The following SLIT1 variants were observed in gnomAD, a reference collection of about 807,000 sequenced individuals.
SLIT1 encodes the protein slit guidance ligand 1.
In SLIT1, 66 loss-of-function variants were observed where a neutral mutation model predicts 186.1. The ratio of observed to expected loss-of-function variants is 0.35; its 90% confidence interval spans 0.29 to 0.44. SLIT1 has a LOEUF of 0.44. Among genes scored for constraint, SLIT1 ranks in the 20% least tolerant of loss-of-function variants. SLIT1 has a pLI of 1.00. For synonymous variants in SLIT1, 761 were observed against 833.8 expected, an observed-to-expected ratio of 0.91 and a Z score of 1.50; for missense variants, 1,638 against 2,037.4, an observed-to-expected ratio of 0.80 and a Z score of 3.77.
intron 4 of SLIT1, among the ~76,000 whole-genome samples, chr10:97,115,968 G>A (rs567053571): frequency 1.3e-4 from 20 of 152,176 alleles, no homozygotes; most frequent in South Asian, 4.1e-4. Context: ...GAGAAGCAGG[G>A]GGCCGAGTTG....
chr10:97,023,457 C>T (rs761783051), intron 25 of SLIT1, among the ~76,000 whole-genome samples: 5 of 151,938 alleles, frequency 3.3e-5, no homozygotes, highest in African/African-American at 4.8e-5. Flanking sequence ...GCTAATAGCC[C>T]GCCCCCAACT....
chr10:97,119,621 G>A (rs970255158), intron 4 of SLIT1, among the ~76,000 whole-genome samples: 4 of 151,796 alleles, frequency 2.6e-5, no homozygotes, highest in East Asian at 1.9e-4. Context: ...AGGAGACGGC[G>A]CCTTGGGTTC....
chr10:97,051,811 CA>C (rs201020231), intron 13 of SLIT1, among the ~76,000 whole-genome samples: 23,731 of 124,032 alleles, frequency 0.19, 2,173 homozygotes, highest in African/African-American at 0.33. Flanking sequence ...AACTCCATCT[CA>C]AAAAAAAAAA....
At chr10:97,076,158 C>A (rs2134649883) in intron 4 of SLIT1, among the ~76,000 whole-genome samples, 1 of 152,322 alleles carries the variant, frequency 6.6e-6, no homozygotes, top group Middle Eastern at 3.4e-3. Flanking sequence ...TGCCTGAGGG[C>A]ACGGGTGAGG....
chr10:97,104,424 T>C (rs1849392087), intron 4 of SLIT1, among the ~76,000 whole-genome samples: 1 of 151,950 alleles, frequency 6.6e-6, no homozygotes, highest in Non-Finnish European at 1.5e-5. Context: ...ATTTAGAAAA[T>C]GATGCACGTA....
intron 22 of SLIT1, among the ~76,000 whole-genome samples, chr10:97,036,513 G>A (rs1228749511): frequency 6.6e-6 from 1 of 152,166 alleles, no homozygotes; most frequent in Non-Finnish European, 1.5e-5. Flanking sequence ...AAGAAACTTG[G>A]GCCAAGATCC....
intron 21 of SLIT1, among the ~76,000 whole-genome samples, chr10:97,039,077 G>A (rs1172143987): frequency 2.0e-5 from 3 of 152,170 alleles, no homozygotes; most frequent in South Asian, 2.1e-4. Context: ...GAAAAGGCCC[G>A]CAGTGGTTGA....
At chr10:97,151,341 T>G (rs1849876295) in intron 4 of SLIT1, among the ~76,000 whole-genome samples, 2 of 131,898 alleles carry the variant, frequency 1.5e-5, no homozygotes, top group South Asian at 4.7e-4. Context: ...GGTAGGTTGG[T>G]AGATGCGTAC....
intron 4 of SLIT1, among the ~76,000 whole-genome samples, chr10:97,111,720 G>A (rs193113933): frequency 7.9e-5 from 12 of 152,178 alleles, no homozygotes; most frequent in African/African-American, 2.9e-4. Context: ...GGCTTTTGCT[G>A]CTGGAGCCTG....
rs1053082129 is a variant in SLIT1, at chr10:97,185,268, C to A, written c.197+210G>T. Among the ~76,000 whole-genome samples, 4 of 152,250 alleles carry A rather than the reference C, an allele frequency of 2.6e-5. No homozygotes were observed. In the South Asian group the frequency reaches 6.2e-4, roughly 24 times the overall value. ...GTGTGAGGACGGAAGCTGACAACCC[C>A]GCCGAGGGCCCTTTGAATCCCAGGG... On this transcript the variant is annotated intron_variant, in intron 1 of 36. Transcript: ENST00000266058.
At chr10:97,054,596 A>G (rs1452125392) in intron 13 of SLIT1, among the ~76,000 whole-genome samples, 1 of 152,196 alleles carries the variant, frequency 6.6e-6, no homozygotes, top group African/African-American at 2.4e-5. Flanking sequence ...TTCTGACGGG[A>G]AGTCCACAAT....
At chr10:97,030,890 G>A (rs1848584640) in intron 24 of SLIT1, 62 bp from the exon 25 acceptor site, 1 of 1,415,400 alleles carries the variant, frequency 7.1e-7, no homozygotes, top group African/African-American at 1.4e-5. Flanking sequence ...CCTGCTGGAG[G>A]GAGAGGCCCA....
chr10:97,082,583 C>CGCCA (rs1229054605), intron 4 of SLIT1, among the ~76,000 whole-genome samples: 3 of 151,954 alleles, frequency 2.0e-5, no homozygotes, highest in African/African-American at 7.3e-5. Flanking sequence ...TACAGGCGCC[C>CGCCA]GCCACCATGC....
At chr10:97,146,434 T>C (rs1437947685) in intron 4 of SLIT1, among the ~76,000 whole-genome samples, 2 of 152,162 alleles carry the variant, frequency 1.3e-5, no homozygotes, top group Non-Finnish European at 2.9e-5. Flanking sequence ...CTCTACCCAC[T>C]GAAAGGACCA....
At chr10:97,077,605 C>T (rs1438203994) in intron 4 of SLIT1, among the ~76,000 whole-genome samples, 1 of 152,190 alleles carries the variant, frequency 6.6e-6, no homozygotes, top group East Asian at 1.9e-4. Flanking sequence ...TAAGAGGAGA[C>T]TGGCACACGG....
Position 97,031,635 on chromosome 10 carries a change from G to T in SLIT1, c.2481C>A (p.Ala827=). The change falls in exon 24 of 37, where the codon GCC becomes GCA. Residue 827 remains alanine (A), a synonymous_variant. Coordinates refer to ENST00000266058, the MANE Select transcript of SLIT1 (RefSeq NM_003061.3). ...YNALQCIPPL[A]FQGLRSLRLL... Reference sequence around the variant, plus strand: ...GGCGCAGGGAGCGGAGTCCCTGGAAGGCCAAAGGCGGGATGCACTGCAGGG... The same window carrying T: ...GGCGCAGGGAGCGGAGTCCCTGGAATGCCAAAGGCGGGATGCACTGCAGGG... The T allele has an allele frequency of 6.4e-7, 1 of 1,552,148 alleles. No individual in the cohort carries two copies. The highest frequency in any genetic ancestry group is 8.7e-7 in the Non-Finnish European group (1 of 1,147,150).
intron 4 of SLIT1, among the ~76,000 whole-genome samples, chr10:97,104,662 C>A (rs746746801): frequency 4.6e-5 from 7 of 152,100 alleles, no homozygotes; most frequent in Non-Finnish European, 8.8e-5. Context: ...CCCCACCACA[C>A]GTGCCCAGCT....
rs111765707 is a variant in SLIT1 at position 97,047,139 on chromosome 10, T to C, written c.1635-74A>G. ...CAAATCCCTTCCAAACTGAGAATAT[T>C]TGGGACTCAAACAGAGAAGACTCCC... On this transcript the variant is annotated intron_variant, in intron 16 of 36. Transcript: ENST00000266058. 7.1e-3 allele frequency: 7,173 copies of C among 1,008,944 alleles called. 304 individuals are homozygous for C. The African/African-American group carries it at 0.091, about 13-fold the overall frequency. The allele number at this position is 1,008,944 out of a possible 1,614,324, so 62.5% of individuals were successfully genotyped here.
intron 14 of SLIT1, among the ~76,000 whole-genome samples, chr10:97,048,309 C>T (rs1445773648): frequency 6.6e-6 from 1 of 152,178 alleles, no homozygotes; most frequent in Non-Finnish European, 1.5e-5. Flanking sequence ...GCGTCAGGAC[C>T]TTGACCAGGA....
Sources: gnomAD v4.1 joint callset for allele counts (sites outside exome capture counted in the v4.1 genomes callset) on GRCh38, gnomAD v4.1.1 for gene constraint, MANE v1.5 for transcripts, NCBI Gene and HGNC (gene_info 2026-07-23, HGNC 2026-07-21) for gene names.